The following SUPT7L variants were observed in gnomAD, a reference collection of about 807,000 sequenced individuals.
SUPT7L encodes STAGA complex 65 subunit gamma.
Under a neutral mutation model 35.7 loss-of-function variants are expected in SUPT7L, and 15 were observed. The observed-to-expected ratio is 0.42, with a 90% CI of 0.28 to 0.65. The LOEUF is 0.65. Among genes scored for constraint, SUPT7L ranks in the 30% least tolerant of loss-of-function variants. The pLI, the probability that SUPT7L is intolerant of heterozygous loss-of-function variation, is 0.23. For missense variants in SUPT7L, 434 were observed against 522.2 expected (o/e 0.83, Z 1.65); for synonymous variants, 168 against 186.2 (o/e 0.90, Z 0.79).
chr2:27,662,026 C>G (rs907407552), intron 2 of SUPT7L, 153 bp downstream of exon 2: 61 of 1,011,046 alleles, frequency 6.0e-5, no homozygotes, highest in Non-Finnish European at 8.7e-5. Flanking sequence ...ATCCCTTCCT[C>G]CAATCTCTCT....
intron 1 of SUPT7L, 113 bp downstream of exon 1, chr2:27,663,202 GGTCAAAAATCGACA>G (rs1374009261): frequency 6.4e-6 from 1 of 155,938 alleles, no homozygotes; most frequent in African/African-American, 2.4e-5. Context: ...CAAATGGCGA[GGTCAAAAATCGACA>G]GTCTCCAGAG....
chr2:27,648,451 T>G (rs1410970665), downstream of SUPT7L, among the ~76,000 whole-genome samples: 1 of 152,088 alleles, frequency 6.6e-6, no homozygotes, highest in African/African-American at 2.4e-5. Flanking sequence ...CCCAGAAGTT[T>G]GAGGCTATTA....
chr2:27,652,323 A>G lies in SUPT7L; in HGVS notation c.*1162T>C, dbSNP rs1223511026. The G allele has an allele frequency of 1.3e-5, 2 of 152,364 alleles. No individual in the cohort carries two copies. Among genetic ancestry groups the G allele is most frequent in the Non-Finnish European group, 2.9e-5 (2 of 68,048 alleles). 9.4% of individuals were successfully genotyped at this position (152,364 alleles called of 1,614,324 possible). A position where few individuals can be genotyped will look rare whatever the true frequency, so the allele number is the denominator to read the frequency against. On this transcript the variant is annotated 3_prime_UTR_variant, in exon 6 of 6. Transcript: ENST00000337768. ...GGACATTTAAGGCATTCAATAATGA[A>G]TTAAAGCTGTGCCTTATTTTGGTCT...
Position 27,657,237 on chromosome 2 carries a change from G to A in SUPT7L, c.744+108C>T. 8.1e-7 allele frequency: 1 copy of A among 1,234,198 alleles called. No homozygotes were observed. Among genetic ancestry groups the A allele is most frequent in the East Asian group, 2.5e-5 (1 of 40,272 alleles). The allele number at this position is 1,234,198 out of a possible 1,614,324, so 76.5% of individuals were successfully genotyped here. On this transcript the variant is annotated intron_variant, in intron 4 of 5. Transcript: ENST00000337768. The surrounding 1 kb of genome is among the most constrained non-coding windows in gnomAD (Gnocchi z 5.2). ...CATAAAAGTATGTTAAGTTCACTCT[G>A]TTCCAAGACTCTGTGCTCTGCACTC...
At position 27,653,456 on chromosome 2, in the gene SUPT7L, T is replaced by A. The variant is rs776012888; in HGVS notation, c.*29A>T. 8.7e-6 allele frequency: 14 copies of A among 1,605,272 alleles called. No individual in the cohort carries two copies. The African/African-American group carries it at 1.6e-4, about 18-fold the overall frequency. On this transcript the variant is annotated 3_prime_UTR_variant, in exon 6 of 6. Coordinates refer to ENST00000337768, the MANE Select transcript of SUPT7L (RefSeq NM_014860.3). ...AACCTTTTCTGTTGGGTCTAGTAGG[T>A]CTGGACAAAACATCTCCCTCTTTTC...
At chr2:27,661,706 C>G (rs1675119423) in intron 2 of SUPT7L, 1 of 1,010,602 alleles carries the variant, frequency 9.9e-7, no homozygotes, top group Non-Finnish European at 1.3e-6. Flanking sequence ...CATTAGTGGA[C>G]CAATAGCTAC....
chr2:27,650,338 G>A, downstream of SUPT7L: 1 of 531,076 alleles, frequency 1.9e-6, no homozygotes. Flanking sequence ...TCTTATTAGA[G>A]AAATCTTGTG....
At chr2:27,646,115 C>T (rs570282634), downstream of SUPT7L, among the ~76,000 whole-genome samples, 7 of 152,272 alleles carry the variant, frequency 4.6e-5, no homozygotes, top group African/African-American at 1.2e-4. Context: ...GATCTCGGCT[C>T]ACTGCAACCT....
chr2:27,655,702 C>T, intron 4 of SUPT7L, 100 bp from the exon 5 acceptor site: 2 of 1,058,408 alleles, frequency 1.9e-6, no homozygotes, highest in East Asian at 2.4e-5. Flanking sequence ...ACATGAATAA[C>T]AGAATTTTAA....
chr2:27,662,196 C>G lies in SUPT7L; in HGVS notation c.-4G>C, dbSNP rs1675145196. ...CAACTCACCTTTGCAGATTCATTGT[C>G]CATATGTCTCTTCAAGTTCAACAAA... On this transcript the variant is annotated 5_prime_UTR_variant, in exon 2 of 6. Coordinates refer to ENST00000337768, the MANE Select transcript of SUPT7L (RefSeq NM_014860.3). The G allele has an allele frequency of 1.2e-6, 2 of 1,613,972 alleles. No individual in the cohort carries two copies. Among genetic ancestry groups the G allele is most frequent in the Admixed American group, 1.7e-5 (1 of 60,008 alleles).
the SUPT7L span, among the ~76,000 whole-genome samples, chr2:27,642,956 T>TACACACACACAC: frequency 0.044 from 3,750 of 85,414 alleles, 65 homozygotes; most frequent in East Asian, 0.072. Context: ...TATATATATA[T>TACACACACACAC]ATACACACAC....
chr2:27,662,933 T>A (rs1675187278), intron 1 of SUPT7L, among the ~76,000 whole-genome samples: 1 of 148,184 alleles, frequency 6.7e-6, no homozygotes, highest in Non-Finnish European at 1.5e-5. Context: ...GCGCGCACCA[T>A]CAAACCTGGA....
chr2:27,662,220 A>C lies in SUPT7L; in HGVS notation c.-28T>G. 6.2e-7 allele frequency: 1 copy of C among 1,613,300 alleles called. No individual in the cohort carries two copies. Among genetic ancestry groups the C allele is most frequent in the South Asian group, 1.1e-5 (1 of 91,060 alleles). The stretch of plus-strand genomic sequence containing the variant: ...TCCATATGTCTCTTCAAGTTCAACA[A>C]ACATTTATCAAATGCCAGGCATTCT... On this transcript the variant is annotated 5_prime_UTR_variant, in exon 2 of 6. Coordinates refer to ENST00000337768, the MANE Select transcript of SUPT7L (RefSeq NM_014860.3).
chr2:27,661,117 T>G lies in SUPT7L; in HGVS notation c.286A>C (p.Thr96Pro). 2 of 1,614,080 alleles carry G rather than the reference T, an allele frequency of 1.2e-6. No individual in the cohort carries two copies. Among genetic ancestry groups the G allele is most frequent in the Non-Finnish European group, 1.7e-6 (2 of 1,180,006 alleles). Residue 96 changes from threonine (T) to proline (P), a missense_variant, in exon 3 of 6, where the codon ACT (threonine) becomes CCT (proline). Transcript: ENST00000337768. Reference protein sequence around the residue: ...QNQQQTEGVKTEESEPLPSCP... With the variant: ...QNQQQTEGVKPEESEPLPSCP... ...GAGGGAAGAGGTTCACTCTCTTCAG[T>G]TTTTACACCTTCTGTCTGCTGCTGA...
rs1238379451 is a variant in SUPT7L at position 27,651,361 on chromosome 2, T to C, written c.*2124A>G. 1 of 152,326 alleles carries C rather than the reference T, an allele frequency of 6.6e-6. No individual in the cohort carries two copies. Among genetic ancestry groups the C allele is most frequent in the Non-Finnish European group, 1.5e-5 (1 of 68,042 alleles). The allele number at this position is 152,326 out of a possible 1,614,324, so 9.4% of individuals were successfully genotyped here. A position where few individuals can be genotyped will look rare whatever the true frequency, so the allele number is the denominator to read the frequency against. ...AAGCCCTCCATGTGATTCTGATGCA[T>C]AGTAGCCTATGACATAATTCCAGAC... On this transcript the variant is annotated 3_prime_UTR_variant, in exon 6 of 6. Coordinates refer to ENST00000337768, the MANE Select transcript of SUPT7L (RefSeq NM_014860.3).
chr2:27,644,637 C>T, the SUPT7L span, among the ~76,000 whole-genome samples: 35 of 145,818 alleles, frequency 2.4e-4, no homozygotes, highest in Admixed American at 1.2e-3. Flanking sequence ...GTATATAAGT[C>T]GGTGTTATTT....
intron 5 of SUPT7L, among the ~76,000 whole-genome samples, chr2:27,654,103 C>T (rs1407245388): frequency 6.6e-6 from 1 of 152,060 alleles, no homozygotes; most frequent in African/African-American, 2.4e-5. Context: ...TTTAGTTTGC[C>T]TGTCCTTCCT....
rs1674610257 is a variant in SUPT7L at position 27,652,633 on chromosome 2, C to T, written c.*852G>A. 7 of 152,798 alleles carry T rather than the reference C, an allele frequency of 4.6e-5. No individual in the cohort carries two copies. The allele number at this position is 152,798 out of a possible 1,614,324, so 9.5% of individuals were successfully genotyped here. On this transcript the variant is annotated 3_prime_UTR_variant, in exon 6 of 6. Transcript: ENST00000337768. ...TTAAAGGCTGCCTTTACAGTAGAAG[C>T]AGCAAAGTGTGCTTAATGGACTGCT...
downstream of SUPT7L, among the ~76,000 whole-genome samples, chr2:27,647,574 A>C (rs1572965602): frequency 2.0e-5 from 3 of 152,352 alleles, no homozygotes; most frequent in East Asian, 3.9e-4. Flanking sequence ...TGATGCTACT[A>C]GTAAGACAAG....
Sources: allele counts gnomAD v4.1 joint callset (sites outside exome capture counted in the v4.1 genomes callset), GRCh38; gene constraint gnomAD v4.1.1; non-coding constraint Gnocchi (gnomAD v3.1); transcripts MANE v1.5; gene names NCBI Gene and HGNC (gene_info 2026-07-23, HGNC 2026-07-21).